The following SLC1A2 variants were observed in gnomAD, a reference collection of about 807,000 sequenced individuals.
SLC1A2 encodes excitatory amino acid transporter 2.
A neutral mutation model predicts 48.8 loss-of-function variants in SLC1A2; 15 were observed. That is an observed-to-expected ratio of 0.31 (90% confidence interval 0.21 to 0.47). The LOEUF (loss-of-function observed/expected upper bound fraction) is 0.47. SLC1A2 is among the 20% of genes least tolerant of loss of function. The probability of loss-of-function intolerance (pLI) is 0.99; values close to 1 mark genes in which losing one functional copy is unlikely to be tolerated. For missense variants in SLC1A2, 502 were observed against 730.5 expected, an observed-to-expected ratio of 0.69 and a Z score of 3.61; for synonymous variants, 279 against 272.6, an observed-to-expected ratio of 1.02 and a Z score of -0.23.
At chr11:35,408,563 A>G (rs976436968) in intron 1 of SLC1A2, among the ~76,000 whole-genome samples, 4 of 152,230 alleles carry the variant, frequency 2.6e-5, no homozygotes, top group African/African-American at 9.6e-5. Context: ...CTCCTCAGCC[A>G]TGTGGAACTG....
chr11:35,280,976 C>G lies in SLC1A2; in HGVS notation c.1312G>C (p.Gly438Arg), dbSNP rs764182501. ...CCGGCACTGGGGATACTGGCCGCGC[C>G]GACGCTTGCCAGGGTGGCTGTGAGG... ...VSLTATLASV[G>R]AASIPSAGLV... Residue 438 changes from glycine (G) to arginine (R), a missense_variant, in exon 9 of 11, where the codon GGC becomes CGC. By Grantham distance (125) the Gly-to-Arg change is moderately radical. Transcript: ENST00000278379. The G allele has an allele frequency of 6.2e-7, 1 of 1,610,590 alleles. No homozygotes were observed. The highest frequency in any genetic ancestry group is 1.7e-5 in the Admixed American group (1 of 59,672).
intron 1 of SLC1A2, among the ~76,000 whole-genome samples, chr11:35,335,828 G>A (rs1852610563): frequency 6.6e-6 from 1 of 151,980 alleles, no homozygotes; most frequent in Non-Finnish European, 1.5e-5. Context: ...AGTCTCATAA[G>A]CCAGTCTCAA....
intron 1 of SLC1A2, among the ~76,000 whole-genome samples, chr11:35,382,559 G>A (rs1217027932): frequency 1.3e-5 from 2 of 152,240 alleles, no homozygotes; most frequent in Admixed American, 6.5e-5. Flanking sequence ...ACTTTGGGAG[G>A]CCGAGGTGGG....
intron 1 of SLC1A2, among the ~76,000 whole-genome samples, chr11:35,403,723 G>T (rs1855198745): frequency 6.6e-6 from 1 of 151,928 alleles, no homozygotes; most frequent in East Asian, 2.0e-4. Context: ...AAATTCTTGA[G>T]GTAAAGAACT....
chr11:35,288,055 A>C (rs1346703760), intron 7 of SLC1A2, among the ~76,000 whole-genome samples: 1 of 152,238 alleles, frequency 6.6e-6, no homozygotes, highest in African/African-American at 2.4e-5. Context: ...AACTGGACAT[A>C]GATCCCTGTA....
At chr11:35,283,849 A>C (rs187073480) in intron 8 of SLC1A2, among the ~76,000 whole-genome samples, 131 of 152,094 alleles carry the variant, frequency 8.6e-4, no homozygotes, top group Middle Eastern at 3.4e-3. Context: ...GGTACTCATG[A>C]TGTCACAGCC....
At chr11:35,365,781 G>A (rs1190684215) in intron 1 of SLC1A2, among the ~76,000 whole-genome samples, 3 of 152,094 alleles carry the variant, frequency 2.0e-5, no homozygotes, top group Non-Finnish European at 4.4e-5. Flanking sequence ...CACCTCCATC[G>A]AGGCATCCAC....
chr11:35,311,889 AGAGG>A (rs67631431), intron 4 of SLC1A2, among the ~76,000 whole-genome samples: 22 of 72,606 alleles, frequency 3.0e-4, no homozygotes, highest in African/African-American at 8.2e-4. Flanking sequence ...AGAGAGAGAG[AGAGG>A]GAGGGAGAGA....
rs34252173 is a variant in SLC1A2 at position 35,284,087 on chromosome 11, T to TTATATATATATATA, written c.1286+2656_1286+2669dup. Reference sequence around the variant, plus strand: ...TCATAGGGTGGTTGTGAAGATTTTATTATATATATATATATATATATATAA... The same window carrying TTATATATATATATA: ...TCATAGGGTGGTTGTGAAGATTTTATTATATATATATATATATATATATATATATATATATATAA... On this transcript the variant is annotated intron_variant, in intron 8 of 10. Coordinates refer to ENST00000278379, the MANE Select transcript of SLC1A2 (RefSeq NM_004171.4). Among the ~76,000 whole-genome samples the TTATATATATATATA allele has an allele frequency of 4.2e-3, 492 of 115,800 alleles. 3 individuals carry two copies. The highest frequency in any genetic ancestry group is 6.8e-3 in the Non-Finnish European group (381 of 56,378). The allele number at this position is 115,800 out of a possible 152,430, so 76.0% of individuals were successfully genotyped here. A position where few individuals can be genotyped will look rare whatever the true frequency, so the allele number is the denominator to read the frequency against.
chr11:35,311,201 C>T lies in SLC1A2; in HGVS notation c.561+997G>A, dbSNP rs1030531985. 2.6e-5 allele frequency among the ~76,000 whole-genome samples: 4 copies of T among 151,926 alleles called. 1 individual carries two copies. The highest frequency in any genetic ancestry group is 4.1e-4 in the South Asian group (2 of 4,832). ...TTGTTTTTGAGACAGTATGTCACTC[C>T]GTCTCCCAGGCTGGAGTGCAGTGGC... On this transcript the variant is annotated intron_variant, in intron 4 of 10. Transcript: ENST00000278379.
chr11:35,286,623 T>C (rs908072286), intron 8 of SLC1A2, 134 bp downstream of exon 8: 14 of 598,398 alleles, frequency 2.3e-5, no homozygotes, highest in Non-Finnish European at 3.9e-5. Context: ...AGGCTGCCAA[T>C]AGTTTCTCTT....
intron 8 of SLC1A2, among the ~76,000 whole-genome samples, chr11:35,283,749 G>A (rs1850716052): frequency 6.6e-6 from 1 of 152,104 alleles, no homozygotes; most frequent in Admixed American, 6.6e-5. Context: ...AGCAAGGGAG[G>A]TTAGTAGTCT....
intron 1 of SLC1A2, among the ~76,000 whole-genome samples, chr11:35,400,472 A>G (rs374229015): frequency 6.6e-6 from 1 of 152,198 alleles, no homozygotes; most frequent in Non-Finnish European, 1.5e-5. Flanking sequence ...AAATATACCA[A>G]TGTTAAAGGC....
intron 3 of SLC1A2, among the ~76,000 whole-genome samples, chr11:35,313,398 T>C (rs1310743915): frequency 1.3e-5 from 2 of 152,138 alleles, no homozygotes; most frequent in Non-Finnish European, 2.9e-5. Flanking sequence ...CATCTATACC[T>C]AGGGAGGTTA....
At chr11:35,345,025 G>A (rs1852977118) in intron 1 of SLC1A2, among the ~76,000 whole-genome samples, 1 of 151,768 alleles carries the variant, frequency 6.6e-6, no homozygotes, top group South Asian at 2.1e-4. Context: ...AATATTTTTG[G>A]TTTGTCTCTA....
chr11:35,356,703 T>C (rs1853481739), intron 1 of SLC1A2, among the ~76,000 whole-genome samples: 2 of 152,170 alleles, frequency 1.3e-5, no homozygotes, highest in Admixed American at 6.5e-5. Context: ...GTGAATGGCA[T>C]TGACAAATGT....
At chr11:35,294,619 G>GA (rs1851113794) in intron 6 of SLC1A2, among the ~76,000 whole-genome samples, 1 of 152,164 alleles carries the variant, frequency 6.6e-6, no homozygotes, top group South Asian at 2.1e-4. Flanking sequence ...AAGATGTCCA[G>GA]AAAAATACAA....
chr11:35,320,598 CA>C (rs1423488554), intron 1 of SLC1A2, among the ~76,000 whole-genome samples: 1 of 152,228 alleles, frequency 6.6e-6, no homozygotes, highest in East Asian at 1.9e-4. Context: ...TGATCTTTAA[CA>C]CCTAGTCCTG....
At chr11:35,371,059 G>T in intron 1 of SLC1A2, 24 of 985,038 alleles carry the variant, frequency 2.4e-5, no homozygotes, top group Non-Finnish European at 2.9e-5. Flanking sequence ...GAGACAATGG[G>T]TGGAGTTGAC....
Sources: gnomAD v4.1 joint callset for allele counts (sites outside exome capture counted in the v4.1 genomes callset) on GRCh38, gnomAD v4.1.1 for gene constraint, MANE v1.5 for transcripts, NCBI Gene and HGNC (gene_info 2026-07-23, HGNC 2026-07-21) for gene names.